DPF3: variants seen among roughly 807,000 people sequenced by gnomAD.
DPF3 encodes the protein zinc finger protein DPF3.
Under a neutral mutation model 56.8 loss-of-function variants are expected in DPF3, and 18 were observed. The ratio of observed to expected loss-of-function variants is 0.32; its 90% CI spans 0.22 to 0.47. The LOEUF is 0.47. Ranked by LOEUF, DPF3 falls within the 20% of genes least tolerant of loss-of-function variation. The probability of loss-of-function intolerance (pLI) is 1.00; values close to 1 mark genes in which losing one functional copy is unlikely to be tolerated. For missense variants in DPF3, 403 were observed against 488.8 expected, an observed-to-expected ratio of 0.82 and a Z score of 1.65; for synonymous variants, 188 against 180.2, an observed-to-expected ratio of 1.04 and a Z score of -0.35.
chr14:72,778,356 A>G (rs923670646), intron 1 of DPF3, among the ~76,000 whole-genome samples: 2 of 152,142 alleles, frequency 1.3e-5, no homozygotes, highest in African/African-American at 4.8e-5. Context: ...CCTACTGTGA[A>G]CTGCACATAT....
In DPF3 at chr14:72,812,907, C is replaced by T. The variant is rs78216984; in HGVS notation, c.33-41014G>A. 6.4e-3 allele frequency among the ~76,000 whole-genome samples: 969 copies of T among 152,010 alleles called. 13 individuals carry two copies. The highest frequency in any genetic ancestry group is 0.022 in the African/African-American group (932 of 41,426). ...AGGGCTCTGAGGATACAGGCACTGG[C>T]GAAGAAGGGCCAGGGGCTCATAGGG... On this transcript the variant is annotated intron_variant, in intron 1 of 10. Transcript: ENST00000556509.
intron 3 of DPF3, among the ~76,000 whole-genome samples, chr14:72,741,345 G>C (rs1411040546): frequency 1.3e-5 from 2 of 152,232 alleles, no homozygotes; most frequent in Non-Finnish European, 2.9e-5. Flanking sequence ...GGAGTGGTTA[G>C]GAAATTGTCC....
chr14:72,813,795 T>G (rs998349804), intron 1 of DPF3, among the ~76,000 whole-genome samples: 3 of 152,154 alleles, frequency 2.0e-5, no homozygotes, highest in Admixed American at 2.0e-4. Context: ...GAGGACTAAA[T>G]GAGATGATGG....
At position 72,760,188 on chromosome 14, in the gene DPF3, T is replaced by C. The variant is rs139673163; in HGVS notation, c.194-6817A>G. On this transcript the variant is annotated intron_variant, in intron 2 of 10. Transcript: ENST00000556509. Reference sequence around the variant, plus strand: ...TCAACTATTTTTAAAAATACAATGATGGCCGGGCGCGGTGGCTCATACCTG... The same window carrying C: ...TCAACTATTTTTAAAAATACAATGACGGCCGGGCGCGGTGGCTCATACCTG... 2.1e-3 allele frequency among the ~76,000 whole-genome samples: 324 copies of C among 152,256 alleles called. 2 individuals carry two copies. The highest frequency in any genetic ancestry group is 7.5e-3 in the African/African-American group (310 of 41,552).
At chr14:72,714,863 T>C (rs1261381241) in intron 5 of DPF3, among the ~76,000 whole-genome samples, 1 of 152,174 alleles carries the variant, frequency 6.6e-6, no homozygotes. Flanking sequence ...TCCCACACAC[T>C]ACCGTGCCAC....
chr14:72,819,839 G>C (rs966984037), intron 1 of DPF3, among the ~76,000 whole-genome samples: 3 of 152,232 alleles, frequency 2.0e-5, no homozygotes, highest in Admixed American at 2.0e-4. Context: ...TAGGGAGACT[G>C]AGGTGGGAGG....
At chr14:72,774,466 G>T (rs1891675448) in intron 1 of DPF3, among the ~76,000 whole-genome samples, 1 of 151,910 alleles carries the variant, frequency 6.6e-6, no homozygotes, top group African/African-American at 2.4e-5. Flanking sequence ...ATCACCACTT[G>T]TTAGAAAGCA....
At chr14:72,690,741 TGAATAAAG>T (rs1407206319) in intron 7 of DPF3, among the ~76,000 whole-genome samples, 3 of 151,886 alleles carry the variant, frequency 2.0e-5, no homozygotes, top group African/African-American at 7.3e-5. Flanking sequence ...CCCCAGGGCA[TGAATAAAG>T]GAACAAAATG....
intron 1 of DPF3, among the ~76,000 whole-genome samples, chr14:72,871,649 T>C (rs915605135): frequency 2.6e-5 from 4 of 151,998 alleles, no homozygotes; most frequent in Admixed American, 2.0e-4. Flanking sequence ...AAAATGGTAA[T>C]GAGGCTGGGC....
intron 4 of DPF3, among the ~76,000 whole-genome samples, chr14:72,725,425 G>T (rs879625253): frequency 3.3e-5 from 5 of 152,052 alleles, no homozygotes; most frequent in Non-Finnish European, 5.9e-5. Context: ...TGTGAATGAG[G>T]ACAGAGGGGA....
At chr14:72,849,480 CG>C (rs1263519268) in intron 1 of DPF3, among the ~76,000 whole-genome samples, 1 of 152,190 alleles carries the variant, frequency 6.6e-6, no homozygotes, top group Non-Finnish European at 1.5e-5. Context: ...CAGCATCCCC[CG>C]GGGCCGCCTT....
chr14:72,803,260 A>C (rs1249049067), intron 1 of DPF3, among the ~76,000 whole-genome samples: 3 of 152,176 alleles, frequency 2.0e-5, no homozygotes, highest in Non-Finnish European at 4.4e-5. Context: ...AAGTGTGAAG[A>C]CCGTGGCTTC....
chr14:72,825,506 A>G (rs1305209523), intron 1 of DPF3, among the ~76,000 whole-genome samples: 1 of 152,254 alleles, frequency 6.6e-6, no homozygotes, highest in Non-Finnish European at 1.5e-5. Flanking sequence ...TAAGTTCAGT[A>G]TCAATTCAGG....
At chr14:72,854,969 AG>A (rs2140089060) in intron 1 of DPF3, among the ~76,000 whole-genome samples, 1 of 152,332 alleles carries the variant, frequency 6.6e-6, no homozygotes, top group African/African-American at 2.4e-5. Flanking sequence ...GAAGGGAAGT[AG>A]GCTAAGAAAA....
chr14:72,766,097 T>C (rs1192147770), intron 2 of DPF3, among the ~76,000 whole-genome samples: 5 of 152,200 alleles, frequency 3.3e-5, no homozygotes, highest in African/African-American at 1.2e-4. Context: ...TGGTAATGGT[T>C]CCACAGGTGA....
chr14:72,675,266 G>A (rs1382371944), intron 7 of DPF3, among the ~76,000 whole-genome samples: 4 of 152,154 alleles, frequency 2.6e-5, no homozygotes, highest in African/African-American at 7.2e-5. Flanking sequence ...CCATTTCCAG[G>A]GGCTGCTTGA....
At chr14:72,623,435 C>T (rs1373786422) in intron 9 of DPF3, among the ~76,000 whole-genome samples, 1 of 152,072 alleles carries the variant, frequency 6.6e-6, no homozygotes, top group Non-Finnish European at 1.5e-5. Flanking sequence ...GACAATACAT[C>T]CTTAGTAGGA....
intron 1 of DPF3, among the ~76,000 whole-genome samples, chr14:72,859,281 T>G (rs115189642): frequency 1.6e-4 from 24 of 152,222 alleles, no homozygotes; most frequent in African/African-American, 5.5e-4. Context: ...CTACATAGGT[T>G]TGAAATTTTC....
At chr14:72,769,148 A>G (rs929600199) in intron 2 of DPF3, among the ~76,000 whole-genome samples, 5 of 152,214 alleles carry the variant, frequency 3.3e-5, no homozygotes, top group African/African-American at 1.2e-4. Flanking sequence ...AAAAAAACAA[A>G]TGAATACTAT....
Sources: gnomAD v4.1 joint callset for allele counts (sites outside exome capture counted in the v4.1 genomes callset) on GRCh38, gnomAD v4.1.1 for gene constraint, MANE v1.5 for transcripts, NCBI Gene and HGNC (gene_info 2026-07-23, HGNC 2026-07-21) for gene names.